Variants in MEF2D observed in about 807,000 individuals in gnomAD.
The protein encoded by MEF2D is myocyte-specific enhancer factor 2D.
In MEF2D, 10 loss-of-function variants were observed where a neutral mutation model predicts 59.3. The ratio of observed to expected loss-of-function variants is 0.17; its 90% confidence interval spans 0.10 to 0.29. The LOEUF is 0.29. Ranked by LOEUF, MEF2D falls within the 10% of genes least tolerant of loss-of-function variation. The pLI, the probability that MEF2D is intolerant of heterozygous loss-of-function variation, is 1.00. For synonymous variants in MEF2D, 305 were observed against 295.0 expected (o/e 1.03, Z -0.35); for missense variants, 508 against 699.4 (o/e 0.73, Z 3.09).
intron 8 of MEF2D, 48 bp downstream of exon 8, chr1:156,476,446 A>C (rs1380310116): frequency 6.2e-7 from 1 of 1,601,258 alleles, no homozygotes; most frequent in Non-Finnish European, 8.5e-7. Context: ...ACCGCAGAGC[A>C]ATACCCAGAA....
Position 156,463,867 on chromosome 1 carries a change from A to G in MEF2D, c.*3778T>C, listed in dbSNP as rs1250629943. On this transcript the variant is annotated 3_prime_UTR_variant, in exon 12 of 12. Transcript: ENST00000348159. ...TGTAGAATACTAAGAAAGCATCACCATACAGCACGAAAAGAAATATTGAAA... is the reference window on the plus strand; with the variant it reads ...TGTAGAATACTAAGAAAGCATCACCGTACAGCACGAAAAGAAATATTGAAA... 1.3e-5 allele frequency: 2 copies of G among 152,692 alleles called. No individual in the cohort carries two copies. Among genetic ancestry groups the G allele is most frequent in the East Asian group, 1.9e-4 (1 of 5,198 alleles). 9.5% of individuals were successfully genotyped at this position (152,692 alleles called of 1,614,324 possible).
chr1:156,500,293 CAA>C (rs1227004421), intron 1 of MEF2D, among the ~76,000 whole-genome samples, 191 bp downstream of exon 1: 3 of 152,206 alleles, frequency 2.0e-5, no homozygotes, highest in African/African-American at 7.2e-5. Context: ...CTCCCTGACA[CAA>C]ACAGTCCCCT....
chr1:156,496,201 G>A (rs983368603), intron 1 of MEF2D, among the ~76,000 whole-genome samples: 1 of 152,208 alleles, frequency 6.6e-6, no homozygotes, highest in Non-Finnish European at 1.5e-5. Context: ...CTAGGCCAAG[G>A]ATCTACCCCC....
Position 156,467,859 on chromosome 1 carries a change from C to A in MEF2D, c.1554+134G>T, listed in dbSNP as rs138832968. On this transcript the variant is annotated intron_variant, in intron 11 of 11. Transcript: ENST00000348159. ...CAGGGGTGAAGGGGTGTTGGTGCTG[C>A]CCTAGAAGGGCTGGCGGAAGGGGTA... 122 of 1,230,256 alleles carry A rather than the reference C, an allele frequency of 9.9e-5. No homozygotes were observed. In the African/African-American group the frequency reaches 1.7e-3, roughly 17 times the overall value. 76.2% of individuals were successfully genotyped at this position (1,230,256 alleles called of 1,614,324 possible).
intron 1 of MEF2D, among the ~76,000 whole-genome samples, chr1:156,495,151 A>G (rs2102271334): frequency 6.6e-6 from 1 of 151,844 alleles, no homozygotes; most frequent in Non-Finnish European, 1.5e-5. Flanking sequence ...TACCCTCCTC[A>G]CCTTGCCACC....
At chr1:156,496,937 C>T (rs1244265299) in intron 1 of MEF2D, among the ~76,000 whole-genome samples, 7 of 152,188 alleles carry the variant, frequency 4.6e-5, no homozygotes, top group South Asian at 4.1e-4. Flanking sequence ...ATAAATATTC[C>T]GAGATCCAAA....
At position 156,483,346 on chromosome 1, in the gene MEF2D, T is replaced by A; in HGVS notation, c.-54A>T. 1 of 1,521,622 alleles carries A rather than the reference T, an allele frequency of 6.6e-7. No homozygotes were observed. The highest frequency in any genetic ancestry group is 1.7e-5 in the Admixed American group (1 of 59,862). The allele number at this position is 1,521,622 out of a possible 1,614,324, so 94.3% of individuals were successfully genotyped here. On this transcript the variant is annotated 5_prime_UTR_variant, in exon 2 of 12. Coordinates refer to ENST00000348159, the MANE Select transcript of MEF2D (RefSeq NM_005920.4). ...GGGGAGGGGCTCGCTGGGTGGTGGG[T>A]CTCGGCACACCTTACACTGTGCTCA...
Position 156,492,056 on chromosome 1 carries a change from G to A in MEF2D, c.-139+8430C>T, listed in dbSNP as rs182439127. Among the ~76,000 whole-genome samples the A allele has an allele frequency of 3.9e-5, 6 of 152,370 alleles. No individual in the cohort carries two copies. The East Asian group carries it at 1.2e-3, about 29-fold the overall frequency. On this transcript the variant is annotated intron_variant, in intron 1 of 11. Coordinates refer to ENST00000348159, the MANE Select transcript of MEF2D (RefSeq NM_005920.4). ...ATGGGGAAGGGGTGTGAAATCACGAGGAATAAGCAAGCATGGCAGCTACAG... is the reference window on the plus strand; with the variant it reads ...ATGGGGAAGGGGTGTGAAATCACGAAGAATAAGCAAGCATGGCAGCTACAG...
At position 156,480,161 on chromosome 1, in the gene MEF2D, C is replaced by T. The variant is rs558515260; in HGVS notation, c.397-365G>A. 2.0e-4 allele frequency among the ~76,000 whole-genome samples: 30 copies of T among 152,272 alleles called. 1 individual carries two copies. In the South Asian group the frequency reaches 6.0e-3, roughly 31 times the overall value. ...CTGATAACAGACTCAAATTCACACA[C>T]GGCTGTTAAAGGCTTGCACCACGGG... On this transcript the variant is annotated intron_variant, in intron 4 of 11. Transcript: ENST00000348159.
At position 156,468,365 on chromosome 1, in the gene MEF2D, T is replaced by A; in HGVS notation, c.1248-66A>T. 8.5e-7 allele frequency: 1 copy of A among 1,179,510 alleles called. No individual in the cohort carries two copies. The highest frequency in any genetic ancestry group is 1.2e-6 in the Non-Finnish European group (1 of 836,088). The allele number at this position is 1,179,510 out of a possible 1,614,324, so 73.1% of individuals were successfully genotyped here. ...CAGAGGGGGTGAGTGACAGAACAAG[T>A]GATAGGACACCAGACAGAAAGTGAG... is the stretch of plus-strand genomic sequence containing the variant. On this transcript the variant is annotated intron_variant, in intron 10 of 11. Transcript: ENST00000348159. This position sits in a 1 kb window ranked among gnomAD's most constrained non-coding sequence, Gnocchi z 4.3.
At position 156,468,366 on chromosome 1, in the gene MEF2D, G is replaced by T; in HGVS notation, c.1248-67C>A. 3 of 1,172,900 alleles carry T rather than the reference G, an allele frequency of 2.6e-6. No individual in the cohort carries two copies. Among genetic ancestry groups the T allele is most frequent in the Admixed American group, 2.4e-5 (1 of 41,138 alleles). 72.7% of individuals were successfully genotyped at this position (1,172,900 alleles called of 1,614,324 possible). ...AGAGGGGGTGAGTGACAGAACAAGTGATAGGACACCAGACAGAAAGTGAGA... is the reference window on the plus strand; with the variant it reads ...AGAGGGGGTGAGTGACAGAACAAGTTATAGGACACCAGACAGAAAGTGAGA... On this transcript the variant is annotated intron_variant, in intron 10 of 11. Transcript: ENST00000348159. This position sits in a 1 kb window ranked among gnomAD's most constrained non-coding sequence, Gnocchi z 4.3.
intron 1 of MEF2D, among the ~76,000 whole-genome samples, chr1:156,485,186 G>A (rs945779893): frequency 2.6e-5 from 4 of 152,138 alleles, no homozygotes; most frequent in Non-Finnish European, 5.9e-5. Context: ...GGGGAGAGGT[G>A]TTTGATGACA....
At chr1:156,476,347 A>G (rs1671604489) in intron 8 of MEF2D, 147 bp downstream of exon 8, 1 of 960,194 alleles carries the variant, frequency 1.0e-6, no homozygotes, top group Non-Finnish European at 1.6e-6. Context: ...TTGGCACCTA[A>G]GCACAGCTCC....
In MEF2D at chr1:156,468,855, GGCTGTGGCT is replaced by G. The variant is rs770903307; in HGVS notation, c.1163_1171del (p.Gln388_Gln390del). On this transcript the variant is annotated inframe_deletion, in exon 10 of 12. Coordinates refer to ENST00000348159, the MANE Select transcript of MEF2D (RefSeq NM_005920.4). This position sits in a 1 kb window ranked among gnomAD's most constrained non-coding sequence, Gnocchi z 4.3. The stretch of plus-strand genomic sequence containing the variant: ...CTGTTGCGGCTGCTGAGGCTGCTGT[GGCTGTGGCT>G]GCTGTGGCTGCGGTGGCTGCTGCTG... The G allele has an allele frequency of 1.8e-3, 2,836 of 1,613,794 alleles. 6 individuals are homozygous for G. Among genetic ancestry groups the G allele is most frequent in the Non-Finnish European group, 2.3e-3 (2,709 of 1,179,930 alleles).
In MEF2D at chr1:156,486,304, T is replaced by C. The variant is rs572875244; in HGVS notation, c.-138-2874A>G. 2.0e-5 allele frequency among the ~76,000 whole-genome samples: 3 copies of C among 151,740 alleles called. No individual in the cohort carries two copies. In the East Asian group the frequency reaches 5.8e-4, roughly 29 times the overall value. On this transcript the variant is annotated intron_variant, in intron 1 of 11. Transcript: ENST00000348159. ...GGATTTCAGCTCCCCTGCTTCCCAGTGCAATCCAAAGACTGTGCTTTCTAG... is the reference window on the plus strand; with the variant it reads ...GGATTTCAGCTCCCCTGCTTCCCAGCGCAATCCAAAGACTGTGCTTTCTAG...
At chr1:156,479,128 A>T (rs147077268) in intron 6 of MEF2D, among the ~76,000 whole-genome samples, 162 bp downstream of exon 6, 5 of 152,310 alleles carry the variant, frequency 3.3e-5, no homozygotes, top group African/African-American at 1.2e-4. Flanking sequence ...GCTACAGAAA[A>T]CAAAATCCAG....
intron 1 of MEF2D, among the ~76,000 whole-genome samples, chr1:156,498,002 C>A (rs1018689341): frequency 6.6e-6 from 1 of 151,420 alleles, no homozygotes; most frequent in African/African-American, 2.4e-5. Flanking sequence ...GCCAAGGCAC[C>A]TCCCACTCCA....
chr1:156,481,649 T>G (rs1303784036), intron 3 of MEF2D, among the ~76,000 whole-genome samples: 1 of 152,172 alleles, frequency 6.6e-6, no homozygotes, highest in African/African-American at 2.4e-5. Flanking sequence ...GAATGCAAAT[T>G]TTACCTTCTA....
At chr1:156,489,835 G>A (rs564734862) in intron 1 of MEF2D, among the ~76,000 whole-genome samples, 1 of 152,282 alleles carries the variant, frequency 6.6e-6, no homozygotes, top group Non-Finnish European at 1.5e-5. Context: ...GGTGAGGACC[G>A]AGGACCAAGG....
Sources: allele counts gnomAD v4.1 joint callset (sites outside exome capture counted in the v4.1 genomes callset), GRCh38; gene constraint gnomAD v4.1.1; non-coding constraint Gnocchi (gnomAD v3.1); transcripts MANE v1.5; gene names NCBI Gene and HGNC (gene_info 2026-07-23, HGNC 2026-07-21).